CDYL2: variants seen among roughly 807,000 people sequenced by gnomAD.
The protein encoded by CDYL2 is chromodomain Y like 2.
In CDYL2, 23 loss-of-function variants were observed where a neutral mutation model predicts 49.4. The observed-to-expected ratio is 0.47, with a 90% CI of 0.34 to 0.66. The LOEUF (loss-of-function observed/expected upper bound fraction) is 0.66, where lower values mean the gene tolerates loss of function less well. Ranked by LOEUF, CDYL2 falls within the 30% of genes least tolerant of loss-of-function variation. The probability of loss-of-function intolerance (pLI) is 0.01; values close to 1 mark genes in which losing one functional copy is unlikely to be tolerated. For synonymous variants in CDYL2, 360 were observed against 268.8 expected (o/e 1.34, Z -3.32); for missense variants, 678 against 656.4 (o/e 1.03, Z -0.36).
chr16:80,804,200 GT>G lies in CDYL2; in HGVS notation c.-28del. The G allele has an allele frequency of 1.5e-6, 2 of 1,339,580 alleles. No homozygotes were observed. The highest frequency in any genetic ancestry group is 9.8e-7 in the Non-Finnish European group (1 of 1,017,812). 83.0% of individuals were successfully genotyped at this position (1,339,580 alleles called of 1,614,324 possible). On this transcript the variant is annotated 5_prime_UTR_variant, in exon 1 of 7. Coordinates refer to ENST00000570137, the MANE Select transcript of CDYL2 (RefSeq NM_152342.4). ...CCAGGCTGCGGAACTTGGCTCGCCG[GT>G]GTGCGCGTCTGCTCGCTCGCGCCCT...
chr16:80,784,457 C>T (rs1032772556), intron 1 of CDYL2, among the ~76,000 whole-genome samples: 3 of 152,100 alleles, frequency 2.0e-5, no homozygotes, highest in African/African-American at 7.2e-5. Flanking sequence ...GAGAAGTGAA[C>T]TTTGCTGATG....
chr16:80,679,190 C>G (rs1252174610), intron 2 of CDYL2, among the ~76,000 whole-genome samples: 1 of 151,678 alleles, frequency 6.6e-6, no homozygotes, highest in Non-Finnish European at 1.5e-5. Flanking sequence ...TGCATTGTGC[C>G]AGCATGTCAC....
At chr16:80,653,819 C>T (rs956601426) in intron 2 of CDYL2, among the ~76,000 whole-genome samples, 1 of 152,224 alleles carries the variant, frequency 6.6e-6, no homozygotes, top group East Asian at 1.9e-4. Flanking sequence ...AGAACTTCAA[C>T]CCATGGTTCT....
chr16:80,667,310 G>C (rs1909307935), intron 2 of CDYL2, among the ~76,000 whole-genome samples: 1 of 152,178 alleles, frequency 6.6e-6, no homozygotes, highest in South Asian at 2.1e-4. Flanking sequence ...GGCTGCTCTA[G>C]AATTGGCTGG....
chr16:80,723,048 T>G (rs1905051374), intron 1 of CDYL2, among the ~76,000 whole-genome samples: 1 of 152,224 alleles, frequency 6.6e-6, no homozygotes, highest in Non-Finnish European at 1.5e-5. Context: ...GCCTCTGAAC[T>G]GCCACACTCG....
At chr16:80,724,653 T>TACA (rs1321197868) in intron 1 of CDYL2, among the ~76,000 whole-genome samples, 1 of 152,218 alleles carries the variant, frequency 6.6e-6, no homozygotes, top group Non-Finnish European at 1.5e-5. Context: ...CACATACATA[T>TACA]ACACACATGC....
At position 80,620,824 on chromosome 16, in the gene CDYL2, G is replaced by C. The variant is rs755185419; in HGVS notation, c.946C>G (p.Leu316Val). The change falls in exon 4 of 7, where the codon CTA (leucine) becomes GTA (valine). Residue 316 changes from leucine to valine, a missense_variant. Leu to Val is a conservative substitution (Grantham distance 32). Around this residue, in one of 3 missense-constraint regions of CDYL2, gnomAD observed 478 missense variants for 427.0 expected, o/e 1.12. Transcript: ENST00000570137. ...VFCSGLDYSY[L>V]IGRLSSDRRK... ...CGGTCGCTGGACAACCGGCCAATTAGGTAGGAATAATCCAGGCCGCTGCAG... is the reference window on the plus strand; with the variant it reads ...CGGTCGCTGGACAACCGGCCAATTACGTAGGAATAATCCAGGCCGCTGCAG... The C allele has an allele frequency of 1.1e-5, 18 of 1,612,886 alleles. No homozygotes were observed. The highest frequency in any genetic ancestry group is 1.5e-5 in the Non-Finnish European group (18 of 1,179,236).
At chr16:80,744,316 C>T (rs1177966912) in intron 1 of CDYL2, among the ~76,000 whole-genome samples, 2 of 152,128 alleles carry the variant, frequency 1.3e-5, no homozygotes, top group African/African-American at 2.4e-5. Flanking sequence ...TCCCCATTCC[C>T]TAAGCAACTC....
intron 1 of CDYL2, among the ~76,000 whole-genome samples, chr16:80,738,228 G>A (rs1905607343): frequency 1.3e-5 from 2 of 152,116 alleles, no homozygotes; most frequent in South Asian, 4.1e-4. Flanking sequence ...AGTATTCCAT[G>A]GTGTATATGT....
chr16:80,757,766 C>G (rs981303469), intron 1 of CDYL2, among the ~76,000 whole-genome samples: 36 of 151,886 alleles, frequency 2.4e-4, no homozygotes, highest in Admixed American at 2.0e-4. Flanking sequence ...AAAATCCACA[C>G]AAATCAAAAT....
intron 1 of CDYL2, among the ~76,000 whole-genome samples, chr16:80,797,560 CT>C (rs985703770): frequency 1.3e-5 from 2 of 151,476 alleles, no homozygotes; most frequent in African/African-American, 2.4e-5. Flanking sequence ...CTATCCTTAC[CT>C]TTTTTTTTCC....
chr16:80,771,809 G>C (rs1156828748), intron 1 of CDYL2, among the ~76,000 whole-genome samples: 1 of 152,054 alleles, frequency 6.6e-6, no homozygotes, highest in Non-Finnish European at 1.5e-5. Flanking sequence ...TAAGGCCTCA[G>C]AGAAAGAGTT....
intron 1 of CDYL2, among the ~76,000 whole-genome samples, chr16:80,762,869 G>C (rs1271656588): frequency 6.6e-6 from 1 of 152,186 alleles, no homozygotes; most frequent in African/African-American, 2.4e-5. Context: ...GACAGAATGT[G>C]TGTGTTACAT....
chr16:80,719,080 C>A (rs1198049212), intron 1 of CDYL2, among the ~76,000 whole-genome samples: 3 of 152,174 alleles, frequency 2.0e-5, no homozygotes, highest in African/African-American at 7.2e-5. Flanking sequence ...TGGAAGCGAA[C>A]ATTACTCATT....
chr16:80,639,920 C>T (rs1385006998), intron 2 of CDYL2, among the ~76,000 whole-genome samples: 1 of 152,178 alleles, frequency 6.6e-6, no homozygotes, highest in African/African-American at 2.4e-5. Context: ...GCATTTAGAC[C>T]AGCCCTAGCC....
At chr16:80,663,659 C>A (rs750868514) in intron 2 of CDYL2, among the ~76,000 whole-genome samples, 1 of 152,004 alleles carries the variant, frequency 6.6e-6, no homozygotes, top group Non-Finnish European at 1.5e-5. Context: ...GTGGCATGAT[C>A]TTGGCTCACT....
intron 1 of CDYL2, among the ~76,000 whole-genome samples, chr16:80,688,793 G>A (rs915833489): frequency 1.3e-5 from 2 of 152,200 alleles, no homozygotes; most frequent in Admixed American, 6.5e-5. Context: ...AAAAGCCCAA[G>A]TCGTTTAGGA....
At chr16:80,624,858 T>C (rs952066956) in intron 3 of CDYL2, among the ~76,000 whole-genome samples, 1 of 152,066 alleles carries the variant, frequency 6.6e-6, no homozygotes, top group African/African-American at 2.4e-5. Context: ...AAAGGGAGCA[T>C]AAAGTAACTG....
chr16:80,660,990 T>C lies in CDYL2; in HGVS notation c.616+23548A>G, dbSNP rs149275812. On this transcript the variant is annotated intron_variant, in intron 2 of 6. Coordinates refer to ENST00000570137, the MANE Select transcript of CDYL2 (RefSeq NM_152342.4). ...TCTGAGAGGGCAGGAAGTGGAGGGC[T>C]GGGGTTGGGGTGAGGCCACAGAGCC... Among the ~76,000 whole-genome samples the C allele has an allele frequency of 6.6e-3, 1,005 of 152,074 alleles. 18 individuals carry two copies. The highest frequency in any genetic ancestry group is 0.023 in the African/African-American group (954 of 41,490).
Sources: gnomAD v4.1 joint callset for allele counts (sites outside exome capture counted in the v4.1 genomes callset) on GRCh38, gnomAD v4.1.1 for gene constraint, gnomAD v4.1.1 regional missense constraint, MANE v1.5 for transcripts, NCBI Gene and HGNC (gene_info 2026-07-23, HGNC 2026-07-21) for gene names.